The following OCRL variants were observed in gnomAD, a reference collection of about 807,000 sequenced individuals.
The protein encoded by OCRL is OCRL inositol polyphosphate-5-phosphatase, also known as inositol polyphosphate 5-phosphatase OCRL.
OCRL carries 8 observed loss-of-function variants against 78.9 expected under a neutral mutation model. The observed-to-expected ratio is 0.10, with a 90% confidence interval of 0.06 to 0.18. The LOEUF is 0.18. OCRL is among the 10% of genes least tolerant of loss of function. The probability of loss-of-function intolerance (pLI) is 1.00; values close to 1 mark genes in which losing one functional copy is unlikely to be tolerated. For missense variants in OCRL, 454 were observed against 696.7 expected, an observed-to-expected ratio of 0.65 and a Z score of 3.92; for synonymous variants, 240 against 235.4, an observed-to-expected ratio of 1.02 and a Z score of -0.18.
chrX:129,547,651 T>G (rs769443953), intron 3 of OCRL, among the ~76,000 whole-genome samples: 26 of 111,901 alleles, frequency 2.3e-4, no homozygotes, highest in Non-Finnish European at 4.3e-4. Flanking sequence ...TTCCCCTTGT[T>G]TAATCATCCT....
At chrX:129,575,728 A>C (rs993799971) in intron 16 of OCRL, 169 bp from the exon 17 acceptor site, 1 of 524,343 alleles carries the variant, frequency 1.9e-6, no homozygotes, top group Non-Finnish European at 3.3e-6. Flanking sequence ...GTGTGAGTAT[A>C]ATAATACATG....
chrX:129,569,211 T>A, intron 14 of OCRL, 53 bp from the exon 15 acceptor site: 1 of 1,170,114 alleles, frequency 8.5e-7, no homozygotes, highest in Non-Finnish European at 1.2e-6. Context: ...GTGTGGTAGG[T>A]ATTATGTTCT....
intron 10 of OCRL, 83 bp downstream of exon 10, chrX:129,561,376 A>T (rs1258960091): frequency 3.3e-6 from 2 of 602,394 alleles, no homozygotes; most frequent in Admixed American, 2.3e-5. Context: ...AACTTGTTCC[A>T]AAAGAATAGT....
At chrX:129,549,335 A>C (rs773368713) in intron 4 of OCRL, among the ~76,000 whole-genome samples, 177 of 112,392 alleles carry the variant, frequency 1.6e-3, no homozygotes, top group African/African-American at 5.5e-3. Flanking sequence ...TATGGAAAAG[A>C]GTATCTGACC....
At chrX:129,571,094 GCT>G (rs1936292908) in intron 15 of OCRL, among the ~76,000 whole-genome samples, 1 of 112,047 alleles carries the variant, frequency 8.9e-6, no homozygotes, top group Non-Finnish European at 1.9e-5. Context: ...CCAACTCTGT[GCT>G]CTTTCTACTA....
chrX:129,576,613 C>T, intron 18 of OCRL, 61 bp downstream of exon 18: 8 of 860,496 alleles, frequency 9.3e-6, no homozygotes, highest in East Asian at 6.4e-5. Context: ...ACTTAAGTGA[C>T]GTCCTCATTA....
At position 129,583,555 on chromosome X, in the gene OCRL, G is replaced by T. The variant is rs1411773241; in HGVS notation, c.2116-789G>T. ...CTTTGCACATGTGTACAGATTAAAT[G>T]ACTGTATATAAGCACTTTGCACAGT... On this transcript the variant is annotated intron_variant, in intron 18 of 23. Transcript: ENST00000371113. Among the ~76,000 whole-genome samples, 6 of 111,879 alleles carry T rather than the reference G, an allele frequency of 5.4e-5. No homozygotes were observed. The East Asian group carries it at 1.4e-3, about 26-fold the overall frequency.
intron 18 of OCRL, among the ~76,000 whole-genome samples, chrX:129,581,868 T>A (rs937751482): frequency 3.1e-4 from 30 of 96,710 alleles, no homozygotes; most frequent in Middle Eastern, 5.2e-3. Flanking sequence ...TCTCTCTCTG[T>A]CTCTGTCTCT....
chrX:129,564,964 A>G (rs1936197698), intron 12 of OCRL, among the ~76,000 whole-genome samples: 1 of 112,048 alleles, frequency 8.9e-6, no homozygotes, highest in South Asian at 3.7e-4. Context: ...TAATGTCTCA[A>G]TAATTAGGAT....
intron 19 of OCRL, among the ~76,000 whole-genome samples, chrX:129,585,972 C>T (rs781361352): frequency 9.0e-6 from 1 of 110,818 alleles, no homozygotes; most frequent in Non-Finnish European, 1.9e-5. Flanking sequence ...CTTAGTTAAA[C>T]ATACAGAATA....
At chrX:129,558,523 T>C in intron 6 of OCRL, 110 bp from the exon 7 acceptor site, 1 of 921,431 alleles carries the variant, frequency 1.1e-6, no homozygotes, top group Non-Finnish European at 1.5e-6. Context: ...GATAGTTTTC[T>C]GTTTAGTAAT....
intron 4 of OCRL, among the ~76,000 whole-genome samples, chrX:129,556,616 A>T (rs185760251): frequency 8.9e-6 from 1 of 112,392 alleles, no homozygotes; most frequent in East Asian, 2.8e-4. Context: ...AAAAAAGGGG[A>T]GACAATATGT....
intron 12 of OCRL, 52 bp from the exon 13 acceptor site, chrX:129,565,720 G>T: frequency 1.0e-6 from 1 of 968,256 alleles, no homozygotes; most frequent in Non-Finnish European, 1.5e-6. Context: ...ATCCTTCTCT[G>T]TTTTTTTTAT....
rs955000724 is a variant in OCRL at position 129,574,151 on chromosome X, C to A, written c.1603-989C>A. On this transcript the variant is annotated intron_variant, in intron 15 of 23. Transcript: ENST00000371113. Reference sequence around the variant, plus strand: ...TGGTTGAACTAATTTACACTCCTACCAACAGTGTAAAAGCGTTCCTACTTC... The same window carrying A: ...TGGTTGAACTAATTTACACTCCTACAAACAGTGTAAAAGCGTTCCTACTTC... Among the ~76,000 whole-genome samples the A allele has an allele frequency of 3.6e-5, 4 of 112,141 alleles. 1 individual carries two copies. The Admixed American group carries it at 3.8e-4, about 11-fold the overall frequency.
Position 129,562,398 on chromosome X carries a change from C to T in OCRL, c.954C>T (p.Arg318=), listed in dbSNP as rs149646700. Residue 318 remains arginine, a synonymous_variant, in exon 11 of 24, where the codon CGC becomes CGT. Transcript: ENST00000371113. ...GGAACTCATAGGTTCAACTGGTGCG[C>T]CTTGTTGGGATGATGCTTCTTATAT... ...KAKYKKVQLV[R]LVGMMLLIFA... is the part of the protein sequence containing the mutation. 6.9e-5 allele frequency: 83 copies of T among 1,206,819 alleles called. No individual in the cohort carries two copies. In the African/African-American group the frequency reaches 1.2e-3, roughly 17 times the overall value.
chrX:129,542,685 G>T, intron 2 of OCRL, among the ~76,000 whole-genome samples: 1 of 111,193 alleles, frequency 9.0e-6, no homozygotes, highest in East Asian at 2.8e-4. Flanking sequence ...CAATTAGGGA[G>T]TAGAATACCT....
intron 16 of OCRL, 118 bp from the exon 17 acceptor site, chrX:129,575,779 A>C (rs1444959058): frequency 4.8e-6 from 4 of 825,024 alleles, no homozygotes; most frequent in Non-Finnish European, 7.2e-6. Context: ...GTGAATGTCT[A>C]TGGCATTTGC....
At chrX:129,556,445 A>T (rs1387425225) in intron 4 of OCRL, among the ~76,000 whole-genome samples, 1 of 111,829 alleles carries the variant, frequency 8.9e-6, no homozygotes, top group East Asian at 2.8e-4. Flanking sequence ...TGCACCCTGC[A>T]TGCGTACCCT....
intron 5 of OCRL, 48 bp from the exon 6 acceptor site, chrX:129,557,813 C>T: frequency 1.2e-6 from 1 of 865,302 alleles, no homozygotes; most frequent in Non-Finnish European, 1.7e-6. Context: ...GTAAATTCTA[C>T]TCAGTGAAAG....
Sources: gnomAD v4.1 joint callset for allele counts (sites outside exome capture counted in the v4.1 genomes callset) on GRCh38, gnomAD v4.1.1 for gene constraint, MANE v1.5 for transcripts, NCBI Gene and HGNC (gene_info 2026-07-23, HGNC 2026-07-21) for gene names.